The following GLI3 variants were observed in gnomAD, a reference collection of about 807,000 sequenced individuals.
The protein encoded by GLI3 is transcription activator GLI3.
GLI3 carries 20 observed loss-of-function variants against 100.8 expected under a neutral mutation model. The ratio of observed to expected loss-of-function variants is 0.20; its 90% CI spans 0.14 to 0.29. GLI3 has a LOEUF of 0.29. Ranked by LOEUF, GLI3 falls within the 10% of genes least tolerant of loss-of-function variation. The pLI is 1.00. For missense variants in GLI3, 2,040 were observed against 2,128.5 expected, an observed-to-expected ratio of 0.96 and a Z score of 0.82; for synonymous variants, 938 against 860.5, an observed-to-expected ratio of 1.09 and a Z score of -1.58.
intron 3 of GLI3, among the ~76,000 whole-genome samples, chr7:42,128,247 T>C (rs533717174): frequency 3.3e-5 from 5 of 152,308 alleles, no homozygotes; most frequent in Admixed American, 3.3e-4. Flanking sequence ...TTGTCTGTTA[T>C]GGTATTAGCC....
At chr7:42,147,518 A>AT (rs1392747705) in intron 3 of GLI3, among the ~76,000 whole-genome samples, 5 of 152,160 alleles carry the variant, frequency 3.3e-5, no homozygotes, top group Admixed American at 6.5e-5. Context: ...ACCAAATTGT[A>AT]TTTTTTTAAC....
chr7:42,055,028 C>CACAT (rs1784423831), intron 4 of GLI3, among the ~76,000 whole-genome samples: 1 of 135,452 alleles, frequency 7.4e-6, no homozygotes, highest in Non-Finnish European at 1.6e-5. Flanking sequence ...TACATATACA[C>CACAT]ATATATGTAT....
rs34245321 is a variant in GLI3 at position 41,966,247 on chromosome 7, C to G, written c.2826G>C (p.Pro942=). 79,953 of 1,608,140 alleles carry G rather than the reference C, an allele frequency of 0.05. 2,235 individuals carry two copies. Among genetic ancestry groups the G allele is most frequent in the Non-Finnish European group, 0.057 (67,249 of 1,179,034 alleles). ...TCCTCTCCATGTTGGGCAGGGGCGTCGGCGGCGGCCCTCCTGTGGCAGCCG... is the reference window on the plus strand; with the variant it reads ...TCCTCTCCATGTTGGGCAGGGGCGTGGGCGGCGGCCCTCCTGTGGCAGCCG... ...KYAAATGGPP[P]TPLPNMERMS... is the part of the protein sequence containing the mutation. Residue 942 remains proline, a synonymous_variant, in exon 15 of 15, where the codon CCG becomes CCC. Transcript: ENST00000395925. The surrounding 1 kb of genome is among the most constrained non-coding windows in gnomAD (Gnocchi z 5.8).
Position 41,965,252 on chromosome 7 carries a change from G to A in GLI3, c.3821C>T (p.Ala1274Val). The change falls in exon 15 of 15, where the codon GCC (alanine) becomes GTC (valine). Residue 1274 changes from alanine (A) to valine (V), a missense_variant. Coordinates refer to ENST00000395925, the MANE Select transcript of GLI3 (RefSeq NM_000168.6). ...CTTCAGCTTTGAGGCTTGAATCCCG[G>A]CACCACAGGCACCGTCGAGTGCACC... ...APGALDGACG[A>V]GIQASKLKST... is the part of the protein sequence containing the mutation. 1 of 1,613,658 alleles carries A rather than the reference G, an allele frequency of 6.2e-7. No individual in the cohort carries two copies. The highest frequency in any genetic ancestry group is 1.1e-5 in the South Asian group (1 of 91,070).
intron 1 of GLI3, among the ~76,000 whole-genome samples, chr7:42,227,019 C>G (rs1322433579): frequency 6.6e-6 from 1 of 152,126 alleles, no homozygotes; most frequent in Non-Finnish European, 1.5e-5. Context: ...ACTTTTAAAA[C>G]CTGGAGTTTA....
chr7:42,216,631 T>TA (rs1788383835), intron 2 of GLI3, among the ~76,000 whole-genome samples: 1 of 152,156 alleles, frequency 6.6e-6, no homozygotes, highest in South Asian at 2.1e-4. Context: ...TCTGTAAACC[T>TA]AAAACCTCTC....
chr7:42,200,536 AG>A (rs1303754486), intron 2 of GLI3, among the ~76,000 whole-genome samples: 3 of 152,186 alleles, frequency 2.0e-5, no homozygotes, highest in African/African-American at 7.2e-5. Context: ...CCAGGCAAGG[AG>A]GGGTCAGGCA....
intron 1 of GLI3, among the ~76,000 whole-genome samples, chr7:42,247,563 C>T (rs1426548133): frequency 6.6e-6 from 1 of 152,206 alleles, no homozygotes; most frequent in Non-Finnish European, 1.5e-5. Flanking sequence ...GGTCCACCAC[C>T]AGGCGTCTGC....
intron 2 of GLI3, among the ~76,000 whole-genome samples, chr7:42,166,761 G>C (rs1035792627): frequency 2.0e-5 from 3 of 146,676 alleles, no homozygotes; most frequent in African/African-American, 7.7e-5. Flanking sequence ...CCGGGTTCGA[G>C]CAATTCTCCC....
At chr7:42,180,411 A>G (rs1371484854) in intron 2 of GLI3, among the ~76,000 whole-genome samples, 1 of 152,246 alleles carries the variant, frequency 6.6e-6, no homozygotes, top group Non-Finnish European at 1.5e-5. Flanking sequence ...GAGAGCTTAC[A>G]CACAGAGGAG....
chr7:42,133,655 A>AC (rs1786350955), intron 3 of GLI3, among the ~76,000 whole-genome samples: 1 of 151,742 alleles, frequency 6.6e-6, no homozygotes, highest in Non-Finnish European at 1.5e-5. Flanking sequence ...AAAAAAAAAA[A>AC]AAACTGTGCC....
intron 3 of GLI3, among the ~76,000 whole-genome samples, chr7:42,110,884 C>T (rs1272665815): frequency 1.3e-5 from 2 of 152,232 alleles, no homozygotes; most frequent in East Asian, 3.9e-4. Flanking sequence ...TGCAAAATGG[C>T]TCCCAGCTCT....
At chr7:42,239,276 C>T (rs536561730), upstream of GLI3, among the ~76,000 whole-genome samples, 24 of 152,252 alleles carry the variant, frequency 1.6e-4, 1 homozygote, top group South Asian at 4.6e-3. Context: ...GGAGGATTCT[C>T]TGAGCCTCCA....
chr7:42,167,504 A>C (rs1213503539), intron 2 of GLI3, among the ~76,000 whole-genome samples: 2 of 152,212 alleles, frequency 1.3e-5, no homozygotes, highest in Non-Finnish European at 2.9e-5. Flanking sequence ...GTCAGTTTAG[A>C]TATGTTTGGG....
intron 10 of GLI3, among the ~76,000 whole-genome samples, chr7:42,008,997 T>A (rs905278468): frequency 1.6e-4 from 25 of 152,212 alleles, no homozygotes; most frequent in Non-Finnish European, 5.9e-5. Context: ...AACTTCATCC[T>A]GGAAACAGGT....
At chr7:42,073,318 C>T (rs1784819003) in intron 4 of GLI3, among the ~76,000 whole-genome samples, 1 of 152,124 alleles carries the variant, frequency 6.6e-6, no homozygotes, top group South Asian at 2.1e-4. Context: ...GTTTAGCAAA[C>T]TGGGTTCTTT....
chr7:42,233,338 A>C (rs922030861), intron 1 of GLI3, among the ~76,000 whole-genome samples: 1 of 152,218 alleles, frequency 6.6e-6, no homozygotes, highest in Non-Finnish European at 1.5e-5. Context: ...AACACATAGC[A>C]TATTTAATCT....
chr7:42,146,486 C>A (rs752207874), intron 3 of GLI3, among the ~76,000 whole-genome samples: 13 of 152,208 alleles, frequency 8.5e-5, no homozygotes, highest in Non-Finnish European at 1.8e-4. Context: ...TAACGGTTAT[C>A]TGCTCACTAC....
At chr7:42,023,737 TC>T (rs1165707569) in intron 9 of GLI3, 129 bp from the exon 10 acceptor site, 42 of 760,064 alleles carry the variant, frequency 5.5e-5, no homozygotes, top group Non-Finnish European at 8.6e-5. Flanking sequence ...AGTGAAGAAG[TC>T]AAACAATAAA....
Sources: allele counts gnomAD v4.1 joint callset (sites outside exome capture counted in the v4.1 genomes callset), GRCh38; gene constraint gnomAD v4.1.1; non-coding constraint Gnocchi (gnomAD v3.1); transcripts MANE v1.5; gene names NCBI Gene and HGNC (gene_info 2026-07-23, HGNC 2026-07-21).